CSMD2: variants seen among roughly 807,000 people sequenced by gnomAD.
CSMD2 encodes the protein CUB and Sushi multiple domains 2, also known as CUB and sushi domain-containing protein 2.
CSMD2 carries 130 observed loss-of-function variants against 398.5 expected under a neutral mutation model. That is an observed-to-expected ratio of 0.33 (90% CI 0.28 to 0.38). CSMD2 has a LOEUF of 0.38. Ranked by LOEUF, CSMD2 falls within the 10% of genes least tolerant of loss-of-function variation. CSMD2 has a pLI of 1.00. For synonymous variants in CSMD2, 1,828 were observed against 1,908.5 expected (o/e 0.96, Z 1.10); for missense variants, 3,829 against 4,764.9 (o/e 0.80, Z 5.78).
intron 3 of CSMD2, among the ~76,000 whole-genome samples, chr1:33,985,328 C>G (rs1216098433): frequency 1.3e-5 from 2 of 152,180 alleles, no homozygotes; most frequent in African/African-American, 4.8e-5. Flanking sequence ...GAGAGGGAAA[C>G]TGTGAGGAAC....
At chr1:34,075,746 C>T (rs1157724890) in intron 2 of CSMD2, among the ~76,000 whole-genome samples, 1 of 152,160 alleles carries the variant, frequency 6.6e-6, no homozygotes, top group East Asian at 1.9e-4. Flanking sequence ...CTTCATTCCA[C>T]ATTAAACTGC....
At chr1:33,619,415 T>C (rs1294685131) in intron 37 of CSMD2, among the ~76,000 whole-genome samples, 3 of 151,326 alleles carry the variant, frequency 2.0e-5, no homozygotes, top group Non-Finnish European at 4.4e-5. Flanking sequence ...CCAATCAGCC[T>C]AGACCATCAG....
chr1:33,690,971 GC>G (rs1645217906), intron 25 of CSMD2, among the ~76,000 whole-genome samples: 1 of 152,206 alleles, frequency 6.6e-6, no homozygotes, highest in Non-Finnish European at 1.5e-5. Flanking sequence ...ACTCCTAGGA[GC>G]CCCGCAAGAG....
chr1:33,926,077 T>C (rs1224575287), intron 4 of CSMD2, among the ~76,000 whole-genome samples: 1 of 152,196 alleles, frequency 6.6e-6, no homozygotes, highest in Non-Finnish European at 1.5e-5. Context: ...CCATAATTAA[T>C]TGATCAATTA....
In CSMD2 at chr1:33,772,844, C is replaced by T; in HGVS notation, c.1664-93G>A. ...CCACATGACAAGCTCTACTGCTCTT[C>T]TGCCATAAGTCAGTGCTCAGAGTGA... is the stretch of plus-strand genomic sequence containing the variant. On this transcript the variant is annotated intron_variant, in intron 12 of 70. Coordinates refer to ENST00000373381, the MANE Select transcript of CSMD2 (RefSeq NM_001281956.2). 9 of 1,066,188 alleles carry T rather than the reference C, an allele frequency of 8.4e-6. No homozygotes were observed. In the South Asian group the frequency reaches 1.4e-4, roughly 16 times the overall value. 66.0% of individuals were successfully genotyped at this position (1,066,188 alleles called of 1,614,324 possible). A position where few individuals can be genotyped will look rare whatever the true frequency, so the allele number is the denominator to read the frequency against.
chr1:33,743,811 C>T (rs1647167945), intron 13 of CSMD2, among the ~76,000 whole-genome samples: 1 of 152,152 alleles, frequency 6.6e-6, no homozygotes, highest in Non-Finnish European at 1.5e-5. Flanking sequence ...GGGTAGGGCC[C>T]CTTTGGCAAA....
At chr1:33,725,736 T>C (rs969619076) in intron 16 of CSMD2, among the ~76,000 whole-genome samples, 200 bp from the exon 17 acceptor site, 46 of 152,170 alleles carry the variant, frequency 3.0e-4, no homozygotes, top group African/African-American at 1.1e-3. Context: ...CCTCCTTCCA[T>C]GGTTGGAAAC....
intron 3 of CSMD2, among the ~76,000 whole-genome samples, chr1:33,962,613 G>A (rs1318389655): frequency 2.6e-5 from 4 of 152,140 alleles, no homozygotes; most frequent in African/African-American, 4.8e-5. Context: ...GGCCTGCAGG[G>A]CCCCAGGTGA....
At chr1:33,789,811 C>T (rs1654012969) in intron 11 of CSMD2, among the ~76,000 whole-genome samples, 2 of 152,286 alleles carry the variant, frequency 1.3e-5, no homozygotes, top group South Asian at 2.1e-4. Flanking sequence ...TGTGGCCAGG[C>T]CAGTGCTGGC....
chr1:33,769,868 A>G (rs552511480), intron 13 of CSMD2, among the ~76,000 whole-genome samples: 5 of 152,314 alleles, frequency 3.3e-5, no homozygotes, highest in Non-Finnish European at 7.4e-5. Context: ...TGACTAATGT[A>G]TTGGAAAATT....
chr1:33,959,563 G>A (rs896108930), intron 3 of CSMD2, among the ~76,000 whole-genome samples: 10 of 151,270 alleles, frequency 6.6e-5, no homozygotes, highest in African/African-American at 2.5e-4. Context: ...CCGTGTCCCG[G>A]AAAATCCTCT....
At chr1:33,900,279 T>C (rs958769452) in intron 5 of CSMD2, among the ~76,000 whole-genome samples, 3 of 152,170 alleles carry the variant, frequency 2.0e-5, no homozygotes, top group Non-Finnish European at 4.4e-5. Context: ...GAACCCAACA[T>C]TGAGTCCAAA....
In CSMD2 at chr1:33,533,153, C is replaced by T. The variant is rs376654604; in HGVS notation, c.10068G>A (p.Thr3356=). 3.0e-5 allele frequency: 48 copies of T among 1,614,022 alleles called. No homozygotes were observed. The highest frequency in any genetic ancestry group is 1.0e-4 in the Admixed American group (6 of 60,020). Residue 3356 remains threonine (T), a synonymous_variant, in exon 64 of 71, where the codon ACG becomes ACA. Transcript: ENST00000373381. The surrounding 1 kb of genome is among the most constrained non-coding windows in gnomAD (Gnocchi z 4.2). ...GALDLPSMGY[T]LIYSCQEGFS... ...AGCCCTCCTGGCAGGAGTAGATGAG[C>T]GTGTAGCCCATGGAGGGCAAATCCA...
intron 2 of CSMD2, among the ~76,000 whole-genome samples, chr1:34,064,237 A>G (rs1016958149): frequency 2.6e-5 from 4 of 152,090 alleles, no homozygotes; most frequent in Non-Finnish European, 4.4e-5. Flanking sequence ...GCCAGTTTGA[A>G]TTTCTCCTCA....
intron 2 of CSMD2, among the ~76,000 whole-genome samples, chr1:34,063,339 A>G (rs1654736404): frequency 6.6e-6 from 1 of 152,256 alleles, no homozygotes; most frequent in South Asian, 2.1e-4. Flanking sequence ...AGACAAGGCA[A>G]GTCCTTTCTG....
At chr1:33,793,398 C>T (rs571013534) in intron 10 of CSMD2, among the ~76,000 whole-genome samples, 7 of 152,198 alleles carry the variant, frequency 4.6e-5, no homozygotes, top group Middle Eastern at 3.4e-3. Flanking sequence ...ATGGAACATT[C>T]CAGAAGAAAT....
chr1:33,995,364 C>T (rs985404660), intron 3 of CSMD2, among the ~76,000 whole-genome samples: 7 of 152,236 alleles, frequency 4.6e-5, no homozygotes, highest in African/African-American at 1.7e-4. Flanking sequence ...GACTACGACA[C>T]TGTCACCATC....
intron 65 of CSMD2, among the ~76,000 whole-genome samples, chr1:33,526,405 C>T (rs1197580704): frequency 6.6e-6 from 1 of 152,180 alleles, no homozygotes; most frequent in Admixed American, 6.5e-5. Context: ...TGCCTGTATT[C>T]CTATACATGG....
intron 1 of CSMD2, among the ~76,000 whole-genome samples, chr1:34,149,512 G>A (rs1464818540): frequency 1.3e-5 from 2 of 152,218 alleles, no homozygotes; most frequent in African/African-American, 4.8e-5. Flanking sequence ...TTAGTACACG[G>A]AAGAAGTTGA....
Sources: allele counts gnomAD v4.1 joint callset (sites outside exome capture counted in the v4.1 genomes callset), GRCh38; gene constraint gnomAD v4.1.1; non-coding constraint Gnocchi (gnomAD v3.1); transcripts MANE v1.5; gene names NCBI Gene and HGNC (gene_info 2026-07-23, HGNC 2026-07-21).